The following TXLNG variants were observed in gnomAD, a reference collection of about 807,000 sequenced individuals.
The protein encoded by TXLNG is gamma-taxilin.
In TXLNG, 5 loss-of-function variants were observed where a neutral mutation model predicts 38.8. That is an observed-to-expected ratio of 0.13 (90% CI 0.07 to 0.27). The LOEUF (loss-of-function observed/expected upper bound fraction) is 0.27. Among genes scored for constraint, TXLNG ranks in the 10% least tolerant of loss-of-function variants. The pLI is 1.00. For synonymous variants in TXLNG, 182 were observed against 158.2 expected, an observed-to-expected ratio of 1.15 and a Z score of -1.13; for missense variants, 393 against 398.2, an observed-to-expected ratio of 0.99 and a Z score of 0.11.
At chrX:16,825,070 A>T (rs1313956787) in intron 3 of TXLNG, among the ~76,000 whole-genome samples, 2 of 112,196 alleles carry the variant, frequency 1.8e-5, no homozygotes, top group African/African-American at 3.2e-5. Flanking sequence ...GCTGGATGAG[A>T]GACATGAAAG....
intron 1 of TXLNG, among the ~76,000 whole-genome samples, chrX:16,811,556 C>T (rs1374394223): frequency 9.1e-6 from 1 of 109,835 alleles, no homozygotes; most frequent in Non-Finnish European, 1.9e-5. Flanking sequence ...CCATGTTGGC[C>T]AGGCTGTTCT....
At chrX:16,786,662 C>T in intron 1 of TXLNG, 73 bp downstream of exon 1, 16 of 736,375 alleles carry the variant, frequency 2.2e-5, no homozygotes, top group East Asian at 4.8e-5. Context: ...GGGTCCACCT[C>T]TTCTCTCTCC....
At chrX:16,788,162 C>T (rs1241669069) in intron 1 of TXLNG, among the ~76,000 whole-genome samples, 2 of 112,125 alleles carry the variant, frequency 1.8e-5, no homozygotes, top group African/African-American at 6.5e-5. Context: ...TTCGTAGGTT[C>T]CCCAGGGGAG....
chrX:16,834,865 C>T (rs1929535634), intron 7 of TXLNG, among the ~76,000 whole-genome samples: 1 of 112,251 alleles, frequency 8.9e-6, no homozygotes, highest in Admixed American at 9.4e-5. Flanking sequence ...GTGCTATAAG[C>T]ACGTAAGTTG....
rs929065772 is a variant in TXLNG, at chrX:16,811,022, C to T, written c.103-7552C>T. ...TAACTTGTGTATTAATGCCTAGGTTCTTTTTGTGGATTGTTTTCAACAGCC... is the reference window on the plus strand; with the variant it reads ...TAACTTGTGTATTAATGCCTAGGTTTTTTTTGTGGATTGTTTTCAACAGCC... On this transcript the variant is annotated intron_variant, in intron 1 of 9. Coordinates refer to ENST00000380122, the MANE Select transcript of TXLNG (RefSeq NM_018360.3). Among the ~76,000 whole-genome samples the T allele has an allele frequency of 8.0e-5, 9 of 111,943 alleles. No individual in the cohort carries two copies. The East Asian group carries it at 2.5e-3, about 31-fold the overall frequency.
intron 1 of TXLNG, among the ~76,000 whole-genome samples, chrX:16,803,856 G>A (rs1336182203): frequency 1.8e-5 from 2 of 109,845 alleles, no homozygotes; most frequent in Admixed American, 9.6e-5. Context: ...GAGGTCTGAG[G>A]CAGGAGAATC....
At position 16,786,557 on chromosome X, in the gene TXLNG, C is replaced by A. The variant is rs775368519; in HGVS notation, c.70C>A (p.Arg24=). 9.3e-7 allele frequency: 1 copy of A among 1,079,154 alleles called. No homozygotes were observed. The highest frequency in any genetic ancestry group is 2.3e-5 in the South Asian group (1 of 42,699). The allele number at this position is 1,079,154 out of a possible 1,213,427, so 88.9% of individuals were successfully genotyped here. Residue 24 remains arginine (R), a synonymous_variant, in exon 1 of 10, where the codon CGG becomes AGG. Coordinates refer to ENST00000380122, the MANE Select transcript of TXLNG (RefSeq NM_018360.3). ...GGAEEATEAG[R]GGRRRSPRQK... ...CGCCGAAGAGGCGACTGAGGCCGGA[C>A]GGGGCGGACGGCGACGCAGCCCGCG...
intron 5 of TXLNG, among the ~76,000 whole-genome samples, chrX:16,830,523 C>G (rs1423140547): frequency 9.6e-6 from 1 of 104,104 alleles, no homozygotes; most frequent in Non-Finnish European, 2.0e-5. Flanking sequence ...TGGTGCATCT[C>G]TGCCTTTTAA....
chrX:16,797,059 G>A (rs1233154584), intron 1 of TXLNG, among the ~76,000 whole-genome samples: 1 of 111,252 alleles, frequency 9.0e-6, no homozygotes, highest in Non-Finnish European at 1.9e-5. Flanking sequence ...CGAGGTGGGT[G>A]GATCACCTGA....
chrX:16,822,173 C>T lies in TXLNG; in HGVS notation c.498+1918C>T, dbSNP rs760467928. Among the ~76,000 whole-genome samples, 29 of 106,827 alleles carry T rather than the reference C, an allele frequency of 2.7e-4. 1 individual carries two copies. The Admixed American group carries it at 2.9e-3, about 11-fold the overall frequency. 92.8% of individuals were successfully genotyped at this position (106,827 alleles called of 115,157 possible). On this transcript the variant is annotated intron_variant, in intron 3 of 9. Coordinates refer to ENST00000380122, the MANE Select transcript of TXLNG (RefSeq NM_018360.3). ...CTAACACGGTGAAACCCCGTCTTTA[C>T]TAAAAATACAAAAAAAAATTAGCCG...
chrX:16,811,646 CT>C (rs1211355941), intron 1 of TXLNG, among the ~76,000 whole-genome samples: 109 of 98,337 alleles, frequency 1.1e-3, no homozygotes, highest in Admixed American at 1.6e-3. Flanking sequence ...CCGTGGCCGG[CT>C]TTTTTTTTTT....
At position 16,842,805 on chromosome X, in the gene TXLNG, C is replaced by T. The variant is rs1268768283; in HGVS notation, c.*1039C>T. On this transcript the variant is annotated 3_prime_UTR_variant, in exon 10 of 10. Coordinates refer to ENST00000380122, the MANE Select transcript of TXLNG (RefSeq NM_018360.3). Reference sequence around the variant, plus strand: ...TTCATTTCCAAAACAAACACTGGCACCAACATTTTTACTTTGGGAAGACTT... The same window carrying T: ...TTCATTTCCAAAACAAACACTGGCATCAACATTTTTACTTTGGGAAGACTT... 1.8e-5 allele frequency: 2 copies of T among 111,978 alleles called. No homozygotes were observed. Among genetic ancestry groups the T allele is most frequent in the Non-Finnish European group, 3.8e-5 (2 of 53,243 alleles). 9.2% of individuals were successfully genotyped at this position (111,978 alleles called of 1,213,427 possible).
intron 1 of TXLNG, among the ~76,000 whole-genome samples, chrX:16,796,331 G>T (rs1200870904): frequency 9.0e-6 from 1 of 111,379 alleles, no homozygotes. Flanking sequence ...CATAACCTGG[G>T]AAGAGCATGC....
chrX:16,840,790 C>T (rs1463995068), intron 9 of TXLNG, among the ~76,000 whole-genome samples: 2 of 111,266 alleles, frequency 1.8e-5, no homozygotes, highest in Non-Finnish European at 3.8e-5. Flanking sequence ...ACAAACTTCT[C>T]ATCTAAAAAT....
chrX:16,795,276 C>CAA (rs1386949325), intron 1 of TXLNG, among the ~76,000 whole-genome samples: 2 of 105,069 alleles, frequency 1.9e-5, no homozygotes, highest in African/African-American at 7.0e-5. Context: ...GACACTGTCT[C>CAA]AAAAAAAAAT....
intron 1 of TXLNG, among the ~76,000 whole-genome samples, chrX:16,790,984 C>T (rs2147456986): frequency 8.9e-6 from 1 of 112,031 alleles, no homozygotes; most frequent in Admixed American, 9.6e-5. Context: ...GCAAGTTTCT[C>T]AATCTTTCTA....
At chrX:16,801,886 A>T (rs1232222107) in intron 1 of TXLNG, among the ~76,000 whole-genome samples, 1 of 109,671 alleles carries the variant, frequency 9.1e-6, no homozygotes, top group Non-Finnish European at 1.9e-5. Flanking sequence ...ATCTTGGCCT[A>T]ACCGTTGCAT....
intron 1 of TXLNG, among the ~76,000 whole-genome samples, chrX:16,807,742 C>T (rs1173200342): frequency 5.4e-5 from 6 of 111,196 alleles, no homozygotes; most frequent in Non-Finnish European, 1.1e-4. Context: ...TCTGAAGGTC[C>T]ACTCTAGCTC....
intron 1 of TXLNG, among the ~76,000 whole-genome samples, chrX:16,815,732 G>A (rs1383426058): frequency 1.8e-5 from 2 of 108,711 alleles, no homozygotes; most frequent in Non-Finnish European, 3.8e-5. Flanking sequence ...ACGTTGGTCA[G>A]GCTCGTCTTG....
Sources: gnomAD v4.1 joint callset for allele counts (sites outside exome capture counted in the v4.1 genomes callset) on GRCh38, gnomAD v4.1.1 for gene constraint, MANE v1.5 for transcripts, NCBI Gene and HGNC (gene_info 2026-07-23, HGNC 2026-07-21) for gene names.